The following NLRP12 variants were observed in gnomAD, a reference collection of about 807,000 sequenced individuals.
NLRP12 encodes the protein NLR family pyrin domain containing 12.
A neutral mutation model predicts 91.2 loss-of-function variants in NLRP12; 108 were observed. The observed-to-expected ratio is 1.18, with a 90% CI of 1.01 to 1.39. The LOEUF (loss-of-function observed/expected upper bound fraction) is 1.39. Ranked by LOEUF, NLRP12 falls within the 40% of genes most tolerant of loss-of-function variation. NLRP12 has a pLI of 0.00. For missense variants in NLRP12, 1,530 were observed against 1,352.7 expected (o/e 1.13, Z -2.06); for synonymous variants, 613 against 566.7 (o/e 1.08, Z -1.16).
intron 4 of NLRP12, among the ~76,000 whole-genome samples, chr19:53,806,898 T>C (rs1188329387): frequency 6.7e-6 from 1 of 149,914 alleles, no homozygotes; most frequent in African/African-American, 2.5e-5. Flanking sequence ...AGAAAAAAAT[T>C]TGGAGACCCA....
chr19:53,810,068 C>G lies in NLRP12; in HGVS notation c.1591G>C (p.Gly531Arg), dbSNP rs566324385. 6.2e-7 allele frequency: 1 copy of G among 1,614,136 alleles called. No individual in the cohort carries two copies. ...TGGTCTGGGCCTGCCCCGCCCTCCC[C>G]CTCGTCCAGGATATAGTACATAGCT... ...FAAMYYILDE[G>R]EGGAGPDQDV... The change falls in exon 3 of 10, where the codon GGG (glycine) becomes CGG (arginine). Residue 531 changes from glycine (G) to arginine (R), a missense_variant. Transcript: ENST00000324134.
intron 7 of NLRP12, among the ~76,000 whole-genome samples, chr19:53,800,778 T>G (rs2091855606): frequency 6.6e-6 from 1 of 151,954 alleles, no homozygotes; most frequent in African/African-American, 2.4e-5. Context: ...GATGGGGTGT[T>G]TCTACATGTT....
intron 7 of NLRP12, among the ~76,000 whole-genome samples, chr19:53,799,604 C>T (rs948289330): frequency 3.9e-5 from 6 of 152,062 alleles, no homozygotes; most frequent in Non-Finnish European, 7.4e-5. Flanking sequence ...CTGCCTCAGC[C>T]TCCTGAGTAC....
chr19:53,817,382 A>G (rs62143196), intron 1 of NLRP12, among the ~76,000 whole-genome samples: 39,242 of 151,566 alleles, frequency 0.26, 5,473 homozygotes, highest in African/African-American at 0.38. Context: ...GTGTGCTGAC[A>G]TCGCATCATT....
rs77625808 is a variant in NLRP12 at position 53,810,699 on chromosome 19, C to A, written c.960G>T (p.Thr320=). 6.2e-7 allele frequency: 1 copy of A among 1,613,954 alleles called. No individual in the cohort carries two copies. The highest frequency in any genetic ancestry group is 8.5e-7 in the Non-Finnish European group (1 of 1,180,018). ...GAATTAAGCTGTTAAGAAGCAGCTC[C>A]GTGGGCCGTTTCTCCTCCCAGCAGA... ...WCLCWEEKRP[T]ELLLNSLIRK... is the part of the protein sequence containing the mutation. The change falls in exon 3 of 10, where the codon ACG becomes ACT. Residue 320 remains threonine, a synonymous_variant. Coordinates refer to ENST00000324134, the MANE Select transcript of NLRP12 (RefSeq NM_144687.4).
At chr19:53,804,277 C>T (rs1016380751) in intron 5 of NLRP12, among the ~76,000 whole-genome samples, 155 bp from the exon 6 acceptor site, 35 of 151,932 alleles carry the variant, frequency 2.3e-4, no homozygotes, top group Admixed American at 1.4e-3. Context: ...GCTGAAGCCT[C>T]GACCTCCAGG....
In NLRP12 at chr19:53,810,604, C is replaced by T. The variant is rs1319286947; in HGVS notation, c.1055G>A (p.Arg352His). The change falls in exon 3 of 10, where the codon CGT (arginine) becomes CAT (histidine). Residue 352 changes from arginine (R) to histidine (H), a missense_variant. Coordinates refer to ENST00000324134, the MANE Select transcript of NLRP12 (RefSeq NM_144687.4). ...TRPTALEKLH[R>H]LLEHPRHVEI... ...CACATGCCTGGGGTGCTCCAGCAGA[C>T]GGTGGAGCTTCTCCAAAGCCGTGGG... 1 of 1,614,048 alleles carries T rather than the reference C, an allele frequency of 6.2e-7. No homozygotes were observed. The highest frequency in any genetic ancestry group is 8.5e-7 in the Non-Finnish European group (1 of 1,180,006).
intron 8 of NLRP12, among the ~76,000 whole-genome samples, chr19:53,796,547 G>A (rs911329366): frequency 2.0e-5 from 3 of 151,750 alleles, no homozygotes. Flanking sequence ...GTGCCCGGCC[G>A]TAATTTTTAT....
Position 53,815,025 on chromosome 19 carries a change from T to C in NLRP12, c.290-37A>G, listed in dbSNP as rs776873334. 23 of 1,482,418 alleles carry C rather than the reference T, an allele frequency of 1.6e-5. 1 individual carries two copies. The South Asian group carries it at 2.6e-4, about 17-fold the overall frequency. 91.8% of individuals were successfully genotyped at this position (1,482,418 alleles called of 1,614,324 possible). A position where few individuals can be genotyped will look rare whatever the true frequency, so the allele number is the denominator to read the frequency against. ...ATTGTGGAAGATGAGCTAGCACGCA[T>C]CTGGCTAGTAGCACCGCGTCATATT... On this transcript the variant is annotated intron_variant, in intron 1 of 9. Coordinates refer to ENST00000324134, the MANE Select transcript of NLRP12 (RefSeq NM_144687.4).
chr19:53,798,528 T>G, intron 7 of NLRP12, 115 bp from the exon 8 acceptor site: 52 of 975,814 alleles, frequency 5.3e-5, no homozygotes, highest in Non-Finnish European at 7.6e-5. Flanking sequence ...ACTCAATCTC[T>G]ACCCTTGAGA....
intron 7 of NLRP12, among the ~76,000 whole-genome samples, chr19:53,799,310 G>A (rs980907714): frequency 5.3e-5 from 8 of 151,478 alleles, no homozygotes; most frequent in South Asian, 2.1e-4. Context: ...GCGCCCAGCC[G>A]CGTGTGTGAT....
chr19:53,824,008 A>T lies in NLRP12; in HGVS notation c.167T>A (p.Met56Lys). 6.2e-7 allele frequency: 1 copy of T among 1,614,164 alleles called. No individual in the cohort carries two copies. Among genetic ancestry groups the T allele is most frequent in the Non-Finnish European group, 8.5e-7 (1 of 1,180,030 alleles). The change falls in exon 1 of 10, where the codon ATG (methionine) becomes AAG (lysine). Residue 56 changes from methionine to lysine, a missense_variant. By Grantham distance (95) the Met-to-Lys change is moderately conservative (BLOSUM62 -1). Coordinates refer to ENST00000324134, the MANE Select transcript of NLRP12 (RefSeq NM_144687.4). Reference sequence around the variant, plus strand: ...GAAGTGGGTGATGAGCAGCTGGGCCATTTCCAGGGGACCGGCCTTCTCCAT... The same window carrying T: ...GAAGTGGGTGATGAGCAGCTGGGCCTTTTCCAGGGGACCGGCCTTCTCCAT... ...GSMEKAGPLE[M>K]AQLLITHFGP... is the part of the protein sequence containing the mutation.
At chr19:53,816,732 C>T (rs144997870) in intron 1 of NLRP12, among the ~76,000 whole-genome samples, 7 of 151,290 alleles carry the variant, frequency 4.6e-5, no homozygotes, top group Admixed American at 3.3e-4. Context: ...AGTAGAGATG[C>T]GGTTTGACCA....
At chr19:53,820,983 G>T (rs920554250) in intron 1 of NLRP12, among the ~76,000 whole-genome samples, 1 of 148,912 alleles carries the variant, frequency 6.7e-6, no homozygotes, top group South Asian at 2.1e-4. Flanking sequence ...TAAGCACTTT[G>T]CATGTATTAT....
At chr19:53,801,186 T>C in intron 7 of NLRP12, 41 bp downstream of exon 7, 1 of 1,599,942 alleles carries the variant, frequency 6.3e-7, no homozygotes, top group Non-Finnish European at 8.6e-7. Flanking sequence ...GCTGCGTTCA[T>C]GGATTGGGAC....
chr19:53,804,896 G>C (rs1461817122), intron 5 of NLRP12, among the ~76,000 whole-genome samples: 3 of 151,950 alleles, frequency 2.0e-5, no homozygotes, highest in South Asian at 4.1e-4. Flanking sequence ...TGGGTGTGGT[G>C]GTGGGTGCCT....
In NLRP12 at chr19:53,810,354, G is replaced by A. The variant is rs779821645; in HGVS notation, c.1305C>T (p.Tyr435=). 9.3e-6 allele frequency: 15 copies of A among 1,613,432 alleles called. No homozygotes were observed. Among genetic ancestry groups the A allele is most frequent in the African/African-American group, 1.3e-5 (1 of 74,896 alleles). ...RQTSRTTTAV[Y]MLYLLSLMQP... is the part of the protein sequence containing the mutation. ...GCATCAGACTCAGCAGGTAGAGCATGTACACTGCAGTGGTGGTCCTGGACG... is the reference window on the plus strand; with the variant it reads ...GCATCAGACTCAGCAGGTAGAGCATATACACTGCAGTGGTGGTCCTGGACG... Residue 435 remains tyrosine (Y), a synonymous_variant, in exon 3 of 10, where the codon TAC becomes TAT. Transcript: ENST00000324134.
At chr19:53,823,498 A>AAAATATATTTTAAAACATAT (rs1568703260) in intron 1 of NLRP12, among the ~76,000 whole-genome samples, 2 of 56,804 alleles carry the variant, frequency 3.5e-5, no homozygotes, top group African/African-American at 1.6e-4. Context: ...AAATATATTT[A>AAAATATATTTTAAAACATAT]TTTAAAATAT....
Position 53,804,024 on chromosome 19 carries a change from G to A in NLRP12, c.2513C>T (p.Ala838Val). 1 of 1,614,092 alleles carries A rather than the reference G, an allele frequency of 6.2e-7. No homozygotes were observed. The highest frequency in any genetic ancestry group is 1.3e-5 in the African/African-American group (1 of 75,040). Reference protein sequence around the residue: ...HLVELDLTGNALEDLGLRLLC... With the variant: ...HLVELDLTGNVLEDLGLRLLC... Reference sequence around the variant, plus strand: ...TAACCTCAGGCCCAAATCCTCCAGTGCATTTCCTGTCAGGTCCAACTCAAC... The same window carrying A: ...TAACCTCAGGCCCAAATCCTCCAGTACATTTCCTGTCAGGTCCAACTCAAC... The change falls in exon 6 of 10, where the codon GCA becomes GTA. Residue 838 changes from alanine to valine, a missense_variant. Physicochemically the swap from Ala to Val is moderately conservative, Grantham distance 64. Coordinates refer to ENST00000324134, the MANE Select transcript of NLRP12 (RefSeq NM_144687.4).
Sources: gnomAD v4.1 joint callset for allele counts (sites outside exome capture counted in the v4.1 genomes callset) on GRCh38, gnomAD v4.1.1 for gene constraint, MANE v1.5 for transcripts, NCBI Gene and HGNC (gene_info 2026-07-23, HGNC 2026-07-21) for gene names.